Variants in PRSS56 observed in about 807,000 individuals in gnomAD.
PRSS56 encodes the protein serine protease 56, also known as protease, serine 56.
A neutral mutation model predicts 66.8 loss-of-function variants in PRSS56; 55 were observed. That is an observed-to-expected ratio of 0.82 (90% confidence interval 0.66 to 1.03). The LOEUF (loss-of-function observed/expected upper bound fraction) is 1.03. PRSS56 is among the 50% of genes least tolerant of loss of function. The pLI is 0.00. For missense variants in PRSS56, 869 were observed against 837.2 expected, an observed-to-expected ratio of 1.04 and a Z score of -0.47; for synonymous variants, 409 against 387.9, an observed-to-expected ratio of 1.05 and a Z score of -0.64.
chr2:232,522,242 C>A, intron 4 of PRSS56, 82 bp downstream of exon 4: 1 of 1,275,626 alleles, frequency 7.8e-7, no homozygotes, highest in Non-Finnish European at 1.0e-6. Flanking sequence ...GCGGGCGACG[C>A]GCGGGAAAGG....
intron 8 of PRSS56, 77 bp from the exon 9 acceptor site, chr2:232,523,695 G>T: frequency 6.6e-7 from 1 of 1,524,072 alleles, no homozygotes; most frequent in South Asian, 1.2e-5. Context: ...GGGAAAGCCT[G>T]TCTCCTTCCG....
In PRSS56 at chr2:232,522,011, G is replaced by T. The variant is rs905092922; in HGVS notation, c.297G>T (p.Thr99=). The change falls in exon 4 of 13, where the codon ACG becomes ACT. Residue 99 remains threonine (T), a synonymous_variant. Transcript: ENST00000617714. ...GERRPSTANV[T]RAHGRIVGGS... Reference sequence around the variant, plus strand: ...GGCGTCCGAGCACTGCCAATGTGACGCGGGCCCACGGCCGCATCGTGGGGG... The same window carrying T: ...GGCGTCCGAGCACTGCCAATGTGACTCGGGCCCACGGCCGCATCGTGGGGG... The T allele has an allele frequency of 6.9e-7, 1 of 1,454,300 alleles. No homozygotes were observed. Among genetic ancestry groups the T allele is most frequent in the Non-Finnish European group, 9.0e-7 (1 of 1,109,280 alleles). The allele number at this position is 1,454,300 out of a possible 1,614,324, so 90.1% of individuals were successfully genotyped here.
chr2:232,521,765 G>C, intron 2 of PRSS56, 51 bp from the exon 3 acceptor site: 2 of 1,517,934 alleles, frequency 1.3e-6, no homozygotes, highest in Non-Finnish European at 1.8e-6. Flanking sequence ...AGCCTGGGGT[G>C]AGGACAGGCG....
At chr2:232,523,239 C>G in intron 7 of PRSS56, 37 bp downstream of exon 7, 1 of 1,427,510 alleles carries the variant, frequency 7.0e-7, no homozygotes, top group Non-Finnish European at 9.1e-7. Flanking sequence ...GCCGGCTGAG[C>G]CTTCCCAGGG....
Position 232,523,099 on chromosome 2 carries a change from C to T in PRSS56, c.746C>T (p.Pro249Leu), listed in dbSNP as rs1237650708. 3 of 1,535,260 alleles carry T rather than the reference C, an allele frequency of 2.0e-6. No homozygotes were observed. Among genetic ancestry groups the T allele is most frequent in the East Asian group, 4.9e-5 (2 of 40,872 alleles). The part of the protein sequence containing the change: ...EAEAVREARV[P>L]LLSTDTCRRA... Reference sequence around the variant, plus strand: ...GAAGCAGTGAGAGAGGCCCGTGTTCCCCTGCTCAGCACCGACACCTGCCGA... The same window carrying T: ...GAAGCAGTGAGAGAGGCCCGTGTTCTCCTGCTCAGCACCGACACCTGCCGA... The change falls in exon 7 of 13, where the codon CCC (proline) becomes CTC (leucine). Residue 249 changes from proline to leucine, a missense_variant. Transcript: ENST00000617714.
chr2:232,522,273 C>A (rs1004762895), intron 4 of PRSS56, 113 bp downstream of exon 4: 3 of 1,069,902 alleles, frequency 2.8e-6, no homozygotes, highest in Non-Finnish European at 3.7e-6. Context: ...TGCCCCCTGG[C>A]GGCGGCCGGC....
In PRSS56 at chr2:232,525,289, G is replaced by A. The variant is rs1035225841; in HGVS notation, c.1595G>A (p.Arg532Gln). 19 of 1,522,358 alleles carry A rather than the reference G, an allele frequency of 1.2e-5. No homozygotes were observed. Among genetic ancestry groups the A allele is most frequent in the Non-Finnish European group, 1.5e-5 (17 of 1,138,388 alleles). The allele number at this position is 1,522,358 out of a possible 1,614,324, so 94.3% of individuals were successfully genotyped here. Residue 532 changes from arginine (R) to glutamine (Q), a missense_variant, in exon 13 of 13, where the codon CGG becomes CAG. Transcript: ENST00000617714. ...RAWVRAGLGG[R>Q]HVAFSGLVGL... is the part of the protein sequence containing the mutation. The stretch of plus-strand genomic sequence containing the variant: ...TGGGTGCGGGCAGGCTTGGGGGGCC[G>A]GCATGTGGCCTTCAGCGGCCTGGTG...
chr2:232,522,029 C>A lies in PRSS56; in HGVS notation c.315C>A (p.Ile105=). 2.1e-6 allele frequency: 3 copies of A among 1,460,518 alleles called. No homozygotes were observed. The highest frequency in any genetic ancestry group is 1.4e-5 in the South Asian group (1 of 71,984). The allele number at this position is 1,460,518 out of a possible 1,614,324, so 90.5% of individuals were successfully genotyped here. A position where few individuals can be genotyped will look rare whatever the true frequency, so the allele number is the denominator to read the frequency against. Residue 105 remains isoleucine, a synonymous_variant, in exon 4 of 13, where the codon ATC becomes ATA. Coordinates refer to ENST00000617714, the MANE Select transcript of PRSS56 (RefSeq NM_001195129.2). The stretch of plus-strand genomic sequence containing the variant: ...ATGTGACGCGGGCCCACGGCCGCAT[C>A]GTGGGGGGCAGCGCGGCGCCGCCCG... The part of the protein sequence containing the change: ...TANVTRAHGR[I]VGGSAAPPGA...
chr2:232,525,251 G>A lies in PRSS56; in HGVS notation c.1557G>A (p.Gly519=), dbSNP rs1691399115. The change falls in exon 13 of 13, where the codon GGG becomes GGA. Residue 519 remains glycine, a synonymous_variant. Coordinates refer to ENST00000617714, the MANE Select transcript of PRSS56 (RefSeq NM_001195129.2). The stretch of plus-strand genomic sequence containing the variant: ...ATCTGGGCTCCAAGACACTGACCGG[G>A]CTTTTCAGAGCCTGGGTGCGGGCAG... ...LADLGSKTLT[G]LFRAWVRAGL... The A allele has an allele frequency of 1.3e-6, 2 of 1,514,548 alleles. No individual in the cohort carries two copies. The highest frequency in any genetic ancestry group is 2.5e-5 in the East Asian group (1 of 40,478). 93.8% of individuals were successfully genotyped at this position (1,514,548 alleles called of 1,614,324 possible).
rs2106203969 is a variant in PRSS56, at chr2:232,525,245, G to A, written c.1551G>A (p.Leu517=). ...TGGCAGATCTGGGCTCCAAGACACT[G>A]ACCGGGCTTTTCAGAGCCTGGGTGC... The part of the protein sequence containing the change: ...EVLADLGSKT[L]TGLFRAWVRA... Residue 517 remains leucine, a synonymous_variant, in exon 13 of 13, where the codon CTG becomes CTA. Transcript: ENST00000617714. 6.6e-7 allele frequency: 1 copy of A among 1,512,462 alleles called. No individual in the cohort carries two copies. The highest frequency in any genetic ancestry group is 1.2e-5 in the South Asian group (1 of 81,024). The allele number at this position is 1,512,462 out of a possible 1,614,324, so 93.7% of individuals were successfully genotyped here.
At position 232,522,156 on chromosome 2, in the gene PRSS56, G is replaced by A; in HGVS notation, c.442G>A (p.Val148Ile). ...SWVLTAAHCFVGAPNELLWTV... is the reference protein window; with the variant it reads ...SWVLTAAHCFIGAPNELLWTV... ...GGTGCTCACGGCAGCGCACTGCTTTGTAGGGTAAGTAGGACCCCCAGGCCT... is the reference window on the plus strand; with the variant it reads ...GGTGCTCACGGCAGCGCACTGCTTTATAGGGTAAGTAGGACCCCCAGGCCT... The change falls in exon 4 of 13, where the codon GTA (valine) becomes ATA (isoleucine). Residue 148 changes from valine to isoleucine, a missense_variant. This residue lies in a region of PRSS56 where 315 missense variants were observed against 313.7 expected (regional missense o/e 1.00). Coordinates refer to ENST00000617714, the MANE Select transcript of PRSS56 (RefSeq NM_001195129.2). 6.7e-7 allele frequency: 1 copy of A among 1,497,704 alleles called. No individual in the cohort carries two copies. Among genetic ancestry groups the A allele is most frequent in the Non-Finnish European group, 8.9e-7 (1 of 1,129,118 alleles). The allele number at this position is 1,497,704 out of a possible 1,614,324, so 92.8% of individuals were successfully genotyped here. A position where few individuals can be genotyped will look rare whatever the true frequency, so the allele number is the denominator to read the frequency against.
rs1030768060 is a variant in PRSS56, at chr2:232,521,720, G to A, written c.206-96G>A. 1.2e-5 allele frequency: 15 copies of A among 1,251,634 alleles called. No homozygotes were observed. In the East Asian group the frequency reaches 2.6e-4, roughly 21 times the overall value. The allele number at this position is 1,251,634 out of a possible 1,614,324, so 77.5% of individuals were successfully genotyped here. ...ACCCGTGTGGGCTGGAGGGCTGAGC[G>A]CGAAAGGAGAGATGGGGAGAGAGAG... On this transcript the variant is annotated intron_variant, in intron 2 of 12. Coordinates refer to ENST00000617714, the MANE Select transcript of PRSS56 (RefSeq NM_001195129.2).
At position 232,521,821 on chromosome 2, in the gene PRSS56, G is replaced by A; in HGVS notation, c.211G>A (p.Gly71Arg). 6.5e-7 allele frequency: 1 copy of A among 1,536,002 alleles called. No individual in the cohort carries two copies. Among genetic ancestry groups the A allele is most frequent in the Non-Finnish European group, 8.7e-7 (1 of 1,146,832 alleles). Reference sequence around the variant, plus strand: ...AAAGGTCTGTTTCTCTGCAGGATCTGGGCGCCCCAGGCCTCAAGCTCTCCT... The same window carrying A: ...AAAGGTCTGTTTCTCTGCAGGATCTAGGCGCCCCAGGCCTCAAGCTCTCCT... Reference protein sequence around the residue: ...QHRSHECRGSGRPRPQALLQD... With the variant: ...QHRSHECRGSRRPRPQALLQD... Residue 71 changes from glycine (G) to arginine (R), a missense_variant, in exon 3 of 13, where the codon GGG (glycine) becomes AGG (arginine). Coordinates refer to ENST00000617714, the MANE Select transcript of PRSS56 (RefSeq NM_001195129.2).
Position 232,520,570 on chromosome 2 carries a change from G to A in PRSS56, c.-29G>A, listed in dbSNP as rs946507256. Reference sequence around the variant, plus strand: ...TGGACTCCGAGGAGGAGAGAGGACAGGGGTCTCTCACCCCAGCTCCTGGTC... The same window carrying A: ...TGGACTCCGAGGAGGAGAGAGGACAAGGGTCTCTCACCCCAGCTCCTGGTC... On this transcript the variant is annotated 5_prime_UTR_variant, in exon 1 of 13. Transcript: ENST00000617714. The A allele has an allele frequency of 2.0e-6, 3 of 1,512,572 alleles. No individual in the cohort carries two copies. The highest frequency in any genetic ancestry group is 2.7e-6 in the Non-Finnish European group (3 of 1,125,590). 93.7% of individuals were successfully genotyped at this position (1,512,572 alleles called of 1,614,324 possible).
At position 232,522,782 on chromosome 2, in the gene PRSS56, C is replaced by G; in HGVS notation, c.627C>G (p.Pro209=). 6.6e-7 allele frequency: 1 copy of G among 1,520,002 alleles called. No homozygotes were observed. Among genetic ancestry groups the G allele is most frequent in the Admixed American group, 2.0e-5 (1 of 50,018 alleles). 94.2% of individuals were successfully genotyped at this position (1,520,002 alleles called of 1,614,324 possible). Residue 209 remains proline (P), a synonymous_variant, in exon 6 of 13, where the codon CCC becomes CCG. Coordinates refer to ENST00000617714, the MANE Select transcript of PRSS56 (RefSeq NM_001195129.2). ...TPVSPGGSAR[P]VCLPQEPQEP... The stretch of plus-strand genomic sequence containing the variant: ...TGAGCCCGGGGGGATCGGCGCGCCC[C>G]GTGTGCCTGCCCCAGGAGCCCCAGG...
chr2:232,523,579 G>T lies in PRSS56; in HGVS notation c.1012+1G>T, dbSNP rs1691333191. On this transcript the variant is annotated splice_donor_variant, in intron 8 of 12. Transcript: ENST00000617714. LOFTEE classifies it high-confidence loss of function. The stretch of plus-strand genomic sequence containing the variant: ...GACTGGCTCCAGGAGCAGATGAGCG[G>T]TGAGCGCCCTCTTTCCAATGCCCCG... 2.6e-6 allele frequency: 4 copies of T among 1,521,478 alleles called. No homozygotes were observed. Among genetic ancestry groups the T allele is most frequent in the Non-Finnish European group, 3.5e-6 (4 of 1,140,734 alleles). The allele number at this position is 1,521,478 out of a possible 1,614,324, so 94.2% of individuals were successfully genotyped here. A position where few individuals can be genotyped will look rare whatever the true frequency, so the allele number is the denominator to read the frequency against.
In PRSS56 at chr2:232,520,581, C is replaced by G; in HGVS notation, c.-18C>G. 1 of 1,533,600 alleles carries G rather than the reference C, an allele frequency of 6.5e-7. No homozygotes were observed. Among genetic ancestry groups the G allele is most frequent in the Non-Finnish European group, 8.7e-7 (1 of 1,144,600 alleles). The allele number at this position is 1,533,600 out of a possible 1,614,324, so 95.0% of individuals were successfully genotyped here. On this transcript the variant is annotated 5_prime_UTR_variant, in exon 1 of 13. Coordinates refer to ENST00000617714, the MANE Select transcript of PRSS56 (RefSeq NM_001195129.2). ...GAGGAGAGAGGACAGGGGTCTCTCA[C>G]CCCAGCTCCTGGTCACCATGCTGCT...
chr2:232,523,818 C>T lies in PRSS56; in HGVS notation c.1059C>T (p.Asp353=). ...GCTGCAGGGAGCTTCTGGCCTGGGA[C>T]CCCCCCCAGGAGCTGCAGGCAGACG... ...EPSCRELLAW[D]PPQELQADAA... Residue 353 remains aspartate, a synonymous_variant, in exon 9 of 13, where the codon GAC becomes GAT. Coordinates refer to ENST00000617714, the MANE Select transcript of PRSS56 (RefSeq NM_001195129.2). 1 of 1,531,092 alleles carries T rather than the reference C, an allele frequency of 6.5e-7. No individual in the cohort carries two copies. The highest frequency in any genetic ancestry group is 8.7e-7 in the Non-Finnish European group (1 of 1,144,916). The allele number at this position is 1,531,092 out of a possible 1,614,324, so 94.8% of individuals were successfully genotyped here. A position where few individuals can be genotyped will look rare whatever the true frequency, so the allele number is the denominator to read the frequency against.
At position 232,522,148 on chromosome 2, in the gene PRSS56, A is replaced by C; in HGVS notation, c.434A>C (p.His145Pro). 4.6e-6 allele frequency: 7 copies of C among 1,514,024 alleles called. No homozygotes were observed. Among genetic ancestry groups the C allele is most frequent in the Non-Finnish European group, 6.2e-6 (7 of 1,137,944 alleles). 93.8% of individuals were successfully genotyped at this position (1,514,024 alleles called of 1,614,324 possible). The change falls in exon 4 of 13, where the codon CAC (histidine) becomes CCC (proline). Residue 145 changes from histidine to proline, a missense_variant. Around this residue, in one of 3 missense-constraint regions of PRSS56, gnomAD observed 315 missense variants for 313.7 expected, o/e 1.00. Transcript: ENST00000617714. Reference sequence around the variant, plus strand: ...GCCTCCTGGGTGCTCACGGCAGCGCACTGCTTTGTAGGGTAAGTAGGACCC... The same window carrying C: ...GCCTCCTGGGTGCTCACGGCAGCGCCCTGCTTTGTAGGGTAAGTAGGACCC... ...VAASWVLTAA[H>P]CFVGAPNELL...
Sources: allele counts gnomAD v4.1 joint callset, GRCh38; gene constraint gnomAD v4.1.1; regional missense constraint gnomAD v4.1.1; transcripts MANE v1.5; gene names NCBI Gene and HGNC (gene_info 2026-07-23, HGNC 2026-07-21).